Variants in KCNQ2 observed in about 807,000 individuals in gnomAD.
KCNQ2 encodes the protein potassium voltage-gated channel subfamily KQT member 2.
Under a neutral mutation model 84.8 loss-of-function variants are expected in KCNQ2, and 14 were observed. The ratio of observed to expected loss-of-function variants is 0.17; its 90% CI spans 0.11 to 0.26. The LOEUF is 0.26. KCNQ2 is among the 10% of genes least tolerant of loss of function. The pLI is 1.00. For missense variants in KCNQ2, 788 were observed against 1,254.0 expected (o/e 0.63, Z 5.61); for synonymous variants, 599 against 554.1 (o/e 1.08, Z -1.14).
chr20:63,456,283 G>A (rs2081794014), intron 1 of KCNQ2, among the ~76,000 whole-genome samples: 1 of 152,036 alleles, frequency 6.6e-6, no homozygotes, highest in Admixed American at 6.6e-5. Context: ...CACAGACGCC[G>A]CCACCCCGCT....
intron 15 of KCNQ2, chr20:63,413,172 TACACACACACAC>T (rs150283013): frequency 2.0e-6 from 1 of 493,704 alleles, no homozygotes; most frequent in Non-Finnish European, 3.9e-6. Flanking sequence ...ATGCGTGACT[TACACACACACAC>T]ATGCACACAC....
chr20:63,419,496 G>A (rs965683069), intron 12 of KCNQ2, 123 bp downstream of exon 12: 30 of 936,790 alleles, frequency 3.2e-5, no homozygotes, highest in South Asian at 5.7e-5. Flanking sequence ...CCGCCAGGGC[G>A]GTGGGTCAGA....
At position 63,407,211 on chromosome 20, in the gene KCNQ2, G is replaced by C. The variant is rs764444302; in HGVS notation, c.2052C>G (p.Gly684=). Residue 684 remains glycine (G), a synonymous_variant, in exon 17 of 17, where the codon GGC becomes GGG. Transcript: ENST00000359125. This position sits in a 1 kb window ranked among gnomAD's most constrained non-coding sequence, Gnocchi z 7.2. ...EDSREHVDRH[G]CIVKIVRSSS... ...TGGAGCGCACGATCTTGACAATGCA[G>C]CCGTGCCTGTCGACATGCTCCCGGC... 1 of 1,605,414 alleles carries C rather than the reference G, an allele frequency of 6.2e-7. No homozygotes were observed. The highest frequency in any genetic ancestry group is 1.1e-5 in the South Asian group (1 of 90,988).
chr20:63,450,749 G>A (rs893943419), intron 1 of KCNQ2, among the ~76,000 whole-genome samples: 2 of 151,780 alleles, frequency 1.3e-5, no homozygotes, highest in Non-Finnish European at 2.9e-5. Context: ...GAGAGCCCTT[G>A]GCATAACTAA....
intron 9 of KCNQ2, among the ~76,000 whole-genome samples, chr20:63,429,154 C>A (rs2080719653): frequency 6.6e-6 from 1 of 151,904 alleles, no homozygotes; most frequent in Non-Finnish European, 1.5e-5. Flanking sequence ...GGGACGTCCC[C>A]CTCTTCACCC....
At chr20:63,466,786 GGGTCACGCAGGGTCTTCACA>G (rs1478016898) in intron 1 of KCNQ2, 1 of 152,288 alleles carries the variant, frequency 6.6e-6, no homozygotes, top group African/African-American at 2.4e-5. Flanking sequence ...CACGCCCCAC[GGGTCACGCAGGGTCTTCACA>G]GGTCACGGCC....
chr20:63,442,612 C>T (rs1204887350), intron 4 of KCNQ2, 81 bp from the exon 5 acceptor site: 5 of 1,466,346 alleles, frequency 3.4e-6, no homozygotes, highest in South Asian at 2.3e-5. Context: ...ACCACCATCA[C>T]ATCAACACCA....
intron 1 of KCNQ2, among the ~76,000 whole-genome samples, chr20:63,458,636 C>T (rs1039660693): frequency 3.3e-5 from 5 of 152,236 alleles, no homozygotes; most frequent in Non-Finnish European, 7.3e-5. Flanking sequence ...GAGCAGCGGT[C>T]TGCTCGCCCT....
At chr20:63,463,059 G>A (rs1384675825) in intron 1 of KCNQ2, among the ~76,000 whole-genome samples, 1 of 88,816 alleles carries the variant, frequency 1.1e-5, no homozygotes, top group Non-Finnish European at 2.9e-5. Context: ...TCTTTTCTGT[G>A]TGTGTGTGTG....
intron 1 of KCNQ2, among the ~76,000 whole-genome samples, chr20:63,452,120 CTG>C (rs2081631926): frequency 1.3e-5 from 2 of 152,272 alleles, no homozygotes; most frequent in Non-Finnish European, 2.9e-5. Context: ...GCGGCAGAAA[CTG>C]TGCCTGTGAA....
Position 63,408,658 on chromosome 20 carries a change from C to T in KCNQ2, c.1764-122G>A. ...GGCTGCAGGCTCAGCCCAGAGCCGA[C>T]CAGGGGGCAGTGGGTGCCAGGACAG... is the stretch of plus-strand genomic sequence containing the variant. On this transcript the variant is annotated intron_variant, in intron 15 of 16. Coordinates refer to ENST00000359125, the MANE Select transcript of KCNQ2 (RefSeq NM_172107.4). This position sits in a 1 kb window ranked among gnomAD's most constrained non-coding sequence, Gnocchi z 5.0. 1 of 1,457,640 alleles carries T rather than the reference C, an allele frequency of 6.9e-7. No homozygotes were observed. The highest frequency in any genetic ancestry group is 9.3e-7 in the Non-Finnish European group (1 of 1,074,434). The allele number at this position is 1,457,640 out of a possible 1,614,324, so 90.3% of individuals were successfully genotyped here.
intron 4 of KCNQ2, 54 bp downstream of exon 4, chr20:63,444,605 C>G: frequency 6.9e-7 from 1 of 1,452,642 alleles, no homozygotes; most frequent in Non-Finnish European, 9.2e-7. Context: ...CGGTCTGGGC[C>G]AGGACTCTCG....
At chr20:63,472,042 G>A (rs892828311) in intron 1 of KCNQ2, 126 bp downstream of exon 1, 2 of 637,672 alleles carry the variant, frequency 3.1e-6, no homozygotes, top group Non-Finnish European at 5.0e-6. Flanking sequence ...GGGGAGCGCC[G>A]GCCCCGGACC....
chr20:63,435,548 C>T (rs188087873), intron 7 of KCNQ2, among the ~76,000 whole-genome samples: 3 of 152,172 alleles, frequency 2.0e-5, no homozygotes, highest in Non-Finnish European at 4.4e-5. Context: ...CTGCAGACAG[C>T]AGGGTAAGGT....
intron 11 of KCNQ2, chr20:63,423,825 A>G (rs2080546428): frequency 8.4e-6 from 3 of 357,306 alleles, no homozygotes; most frequent in Non-Finnish European, 1.0e-5. Flanking sequence ...AGCTCGGGCT[A>G]TGTGCCTGCA....
chr20:63,439,475 CCTG>C (rs1470030540), intron 6 of KCNQ2, 120 bp downstream of exon 6: 2 of 757,118 alleles, frequency 2.6e-6, no homozygotes, highest in Non-Finnish European at 4.7e-6. Flanking sequence ...GGGCTGTGGA[CCTG>C]CTGAGAGCTG....
chr20:63,418,991 G>A (rs190685815), intron 12 of KCNQ2, among the ~76,000 whole-genome samples: 123 of 152,220 alleles, frequency 8.1e-4, no homozygotes, highest in Middle Eastern at 6.8e-3. Flanking sequence ...GGCCCCCAGC[G>A]CAGGCCTGCA....
intron 1 of KCNQ2, among the ~76,000 whole-genome samples, chr20:63,456,385 G>A (rs2081797899): frequency 1.3e-5 from 2 of 152,204 alleles, no homozygotes; most frequent in Non-Finnish European, 2.9e-5. Flanking sequence ...CCCTCGCTCT[G>A]CGACTCTGGA....
intron 9 of KCNQ2, among the ~76,000 whole-genome samples, chr20:63,430,226 AG>A (rs2080752590): frequency 6.6e-6 from 1 of 152,090 alleles, no homozygotes. Context: ...GGGTGCAACA[AG>A]GGGAGGGGGC....
Sources: allele counts gnomAD v4.1 joint callset (sites outside exome capture counted in the v4.1 genomes callset), GRCh38; gene constraint gnomAD v4.1.1; non-coding constraint Gnocchi (gnomAD v3.1); transcripts MANE v1.5; gene names NCBI Gene and HGNC (gene_info 2026-07-23, HGNC 2026-07-21).